RUNX3: variants seen among roughly 807,000 people sequenced by gnomAD.
RUNX3 encodes RUNX family transcription factor 3.
RUNX3 carries 10 observed loss-of-function variants against 27.7 expected under a neutral mutation model. That is an observed-to-expected ratio of 0.36 (90% CI 0.22 to 0.61). The LOEUF (loss-of-function observed/expected upper bound fraction) is 0.61, where lower values mean the gene tolerates loss of function less well. Ranked by LOEUF, RUNX3 falls within the 20% of genes least tolerant of loss-of-function variation. RUNX3 has a pLI of 0.72. For synonymous variants in RUNX3, 270 were observed against 269.2 expected, an observed-to-expected ratio of 1.00 and a Z score of -0.03; for missense variants, 469 against 629.5, an observed-to-expected ratio of 0.75 and a Z score of 2.73.
intron 2 of RUNX3, among the ~76,000 whole-genome samples, chr1:24,940,564 G>A (rs931878718): frequency 6.6e-6 from 1 of 152,112 alleles, no homozygotes; most frequent in Non-Finnish European, 1.5e-5. Flanking sequence ...TGACATTGAA[G>A]GTGAAAAGCA....
chr1:24,938,623 A>G (rs1641402947), intron 2 of RUNX3, among the ~76,000 whole-genome samples: 1 of 152,200 alleles, frequency 6.6e-6, no homozygotes, highest in African/African-American at 2.4e-5. Context: ...TATGGCTTGA[A>G]TGTCTCCCAA....
upstream of RUNX3, among the ~76,000 whole-genome samples, chr1:24,930,995 G>T (rs542715107): frequency 4.6e-5 from 7 of 152,334 alleles, no homozygotes; most frequent in African/African-American, 1.7e-4. This position sits in a 1 kb window ranked among gnomAD's most constrained non-coding sequence, Gnocchi z 4.1. Context: ...CAAGTTTCAG[G>T]ATCTTGCAGG....
rs1438063145 is a variant in RUNX3 at position 24,929,999 on chromosome 1, A to G, written c.-131T>C. On this transcript the variant is annotated 5_prime_UTR_variant, in exon 1 of 5. Coordinates refer to ENST00000308873, the MANE Select transcript of RUNX3 (RefSeq NM_004350.3). Reference sequence around the variant, plus strand: ...GCAGAAGCGGCGGGGCCCGGGCCTCAGGGCGCAGGGGGCGGCGCCCGGCCA... The same window carrying G: ...GCAGAAGCGGCGGGGCCCGGGCCTCGGGGCGCAGGGGGCGGCGCCCGGCCA... The G allele has an allele frequency of 1.6e-5, 18 of 1,140,468 alleles. No homozygotes were observed. Among genetic ancestry groups the G allele is most frequent in the East Asian group, 4.3e-5 (1 of 23,042 alleles). The allele number at this position is 1,140,468 out of a possible 1,614,324, so 70.6% of individuals were successfully genotyped here. A position where few individuals can be genotyped will look rare whatever the true frequency, so the allele number is the denominator to read the frequency against.
At chr1:24,920,229 A>G (rs1388522030) in intron 2 of RUNX3, among the ~76,000 whole-genome samples, 1 of 147,960 alleles carries the variant, frequency 6.8e-6, no homozygotes, top group African/African-American at 2.5e-5. Flanking sequence ...TTTTTTTTTT[A>G]CCATTTAAAA....
chr1:24,919,177 T>C (rs1640945891), intron 3 of RUNX3, 63 bp downstream of exon 3: 1 of 1,023,026 alleles, frequency 9.8e-7, no homozygotes, highest in Non-Finnish European at 1.5e-6. Flanking sequence ...ACCTAGCTGC[T>C]GTCCTTCCCG....
intron 2 of RUNX3, among the ~76,000 whole-genome samples, chr1:24,955,816 G>A (rs576547607): frequency 3.9e-5 from 6 of 152,366 alleles, no homozygotes; most frequent in Middle Eastern, 3.4e-3. Flanking sequence ...GGAATGTGGC[G>A]CCCCAGGGAG....
intron 2 of RUNX3, among the ~76,000 whole-genome samples, chr1:24,958,472 G>C (rs1290438759): frequency 6.6e-6 from 1 of 152,140 alleles, no homozygotes; most frequent in Non-Finnish European, 1.5e-5. Context: ...CTCTGCCTCC[G>C]GGCTCTGATA....
chr1:24,957,478 G>T (rs940926122), intron 2 of RUNX3, among the ~76,000 whole-genome samples: 7 of 152,188 alleles, frequency 4.6e-5, no homozygotes, highest in African/African-American at 1.7e-4. Flanking sequence ...GACACCTGTG[G>T]GGTGAGTAGT....
chr1:24,907,567 G>T, intron 3 of RUNX3, 150 bp from the exon 4 acceptor site: 1 of 735,318 alleles, frequency 1.4e-6, no homozygotes, highest in Non-Finnish European at 2.2e-6. Flanking sequence ...TCTTCACAGA[G>T]GTTTTCAAAA....
intron 2 of RUNX3, among the ~76,000 whole-genome samples, chr1:24,958,164 G>A (rs1452554897): frequency 6.6e-5 from 10 of 152,194 alleles, no homozygotes; most frequent in African/African-American, 2.4e-4. Context: ...TGCCACATGC[G>A]GGGCTCAGGG....
rs1419668162 is a variant in RUNX3, at chr1:24,900,382, A to C, written c.*1740T>G. 4 of 152,402 alleles carry C rather than the reference A, an allele frequency of 2.6e-5. No individual in the cohort carries two copies. Among genetic ancestry groups the C allele is most frequent in the Admixed American group, 2.6e-4 (4 of 15,290 alleles). 9.4% of individuals were successfully genotyped at this position (152,402 alleles called of 1,614,324 possible). On this transcript the variant is annotated 3_prime_UTR_variant, in exon 5 of 5. Coordinates refer to ENST00000308873, the MANE Select transcript of RUNX3 (RefSeq NM_004350.3). ...CTCACAGAGACAACCAATGAAGAGCATTTTGTAGGGCAGATTTCTGCATCC... is the reference window on the plus strand; with the variant it reads ...CTCACAGAGACAACCAATGAAGAGCCTTTTGTAGGGCAGATTTCTGCATCC...
At position 24,927,545 on chromosome 1, in the gene RUNX3, T is replaced by C; in HGVS notation, c.439+29A>G. ...CTGCTGCCCCTGCCATTGCCAATGCTGAAATGGCGAGGCCTCCCTTCCACT... is the reference window on the plus strand; with the variant it reads ...CTGCTGCCCCTGCCATTGCCAATGCCGAAATGGCGAGGCCTCCCTTCCACT... On this transcript the variant is annotated intron_variant, in intron 2 of 4. Coordinates refer to ENST00000308873, the MANE Select transcript of RUNX3 (RefSeq NM_004350.3). The surrounding 1 kb of genome is among the most constrained non-coding windows in gnomAD (Gnocchi z 5.0). 6.2e-7 allele frequency: 1 copy of C among 1,612,316 alleles called. No individual in the cohort carries two copies. The highest frequency in any genetic ancestry group is 1.7e-4 in the Middle Eastern group (1 of 6,058).
Position 24,930,252 on chromosome 1 carries a change from A to G in RUNX3, c.-384T>C. 6.1e-6 allele frequency: 6 copies of G among 982,864 alleles called. No homozygotes were observed. Among genetic ancestry groups the G allele is most frequent in the Non-Finnish European group, 7.2e-6 (6 of 828,730 alleles). The allele number at this position is 982,864 out of a possible 1,614,324, so 60.9% of individuals were successfully genotyped here. On this transcript the variant is annotated 5_prime_UTR_variant, in exon 1 of 5. Transcript: ENST00000308873. This position sits in a 1 kb window ranked among gnomAD's most constrained non-coding sequence, Gnocchi z 4.1. The stretch of plus-strand genomic sequence containing the variant: ...CCCGACTCCGCGGCCGCAGCCCCAG[A>G]ACAAATCCTCCAGAATCAAGTGGCG...
rs1243856228 is a variant in RUNX3 at position 24,923,663 on chromosome 1, C to T, written c.439+3911G>A. ...TGGGTTCCTATGTGTATAAGGTCCC[C>T]GCCCCACCCACAGGAGCTGCATGGG... On this transcript the variant is annotated intron_variant, in intron 2 of 4. Transcript: ENST00000308873. The surrounding 1 kb of genome is among the most constrained non-coding windows in gnomAD (Gnocchi z 5.9). 1.3e-5 allele frequency among the ~76,000 whole-genome samples: 2 copies of T among 152,074 alleles called. No homozygotes were observed. The highest frequency in any genetic ancestry group is 4.8e-5 in the African/African-American group (2 of 41,372).
chr1:24,921,177 C>A (rs186675621), intron 2 of RUNX3, among the ~76,000 whole-genome samples: 1 of 152,338 alleles, frequency 6.6e-6, no homozygotes, highest in African/African-American at 2.4e-5. Flanking sequence ...AACAGCCCCA[C>A]GTTGCAGGTG....
At chr1:24,944,228 C>G (rs1285946457) in intron 2 of RUNX3, among the ~76,000 whole-genome samples, 1 of 152,158 alleles carries the variant, frequency 6.6e-6, no homozygotes, top group Non-Finnish European at 1.5e-5. Context: ...CACCCTCCAC[C>G]TCTCTGACCT....
In RUNX3 at chr1:24,902,914, C is replaced by T. The variant is rs530739889; in HGVS notation, c.704-248G>A. ...GGCCATGGGAGCCCCCCCACAGCAG[C>T]AACAGAACAGAGGAGGGGGTCTATT... On this transcript the variant is annotated intron_variant, in intron 4 of 4. Coordinates refer to ENST00000308873, the MANE Select transcript of RUNX3 (RefSeq NM_004350.3). This position sits in a 1 kb window ranked among gnomAD's most constrained non-coding sequence, Gnocchi z 9.2. Among the ~76,000 whole-genome samples, 1 of 152,320 alleles carries T rather than the reference C, an allele frequency of 6.6e-6. No individual in the cohort carries two copies. The highest frequency in any genetic ancestry group is 1.9e-4 in the East Asian group (1 of 5,182).
At chr1:24,906,533 G>A (rs917937248) in intron 4 of RUNX3, among the ~76,000 whole-genome samples, 5 of 152,184 alleles carry the variant, frequency 3.3e-5, no homozygotes, top group Non-Finnish European at 7.3e-5. Context: ...AGATGCAGCC[G>A]GCAGCCGTTT....
upstream of RUNX3, chr1:24,930,376 CG>C (rs1045395675): frequency 3.1e-6 from 1 of 323,102 alleles, no homozygotes; most frequent in African/African-American, 2.2e-5. The surrounding 1 kb of genome is among the most constrained non-coding windows in gnomAD (Gnocchi z 4.1). Flanking sequence ...GCCCCCATCG[CG>C]GGCACCTCGG....
Sources: allele counts gnomAD v4.1 joint callset (sites outside exome capture counted in the v4.1 genomes callset), GRCh38; gene constraint gnomAD v4.1.1; non-coding constraint Gnocchi (gnomAD v3.1); transcripts MANE v1.5; gene names NCBI Gene and HGNC (gene_info 2026-07-23, HGNC 2026-07-21).